EIF3F: variants seen among roughly 807,000 people sequenced by gnomAD.
EIF3F encodes the protein deubiquitinating enzyme eIF3f.
Under a neutral mutation model 36.0 loss-of-function variants are expected in EIF3F, and 8 were observed. The ratio of observed to expected loss-of-function variants is 0.22; its 90% confidence interval spans 0.13 to 0.40. EIF3F has a LOEUF of 0.40. Ranked by LOEUF, EIF3F falls within the 10% of genes least tolerant of loss-of-function variation. The pLI, the probability that EIF3F is intolerant of heterozygous loss-of-function variation, is 1.00. For synonymous variants in EIF3F, 184 were observed against 188.5 expected (o/e 0.98, Z 0.19); for missense variants, 430 against 467.6 (o/e 0.92, Z 0.74).
At position 7,996,746 on chromosome 11, in the gene EIF3F, C is replaced by A. The variant is rs935795007; in HGVS notation, c.*724C>A. 4 of 152,140 alleles carry A rather than the reference C, an allele frequency of 2.6e-5. No homozygotes were observed. The highest frequency in any genetic ancestry group is 9.7e-5 in the African/African-American group (4 of 41,428). 9.4% of individuals were successfully genotyped at this position (152,140 alleles called of 1,614,324 possible). ...TTTCCTCTGGTATCCTGGAGTTCCGCCTCGCCACTGTGTGTCTTAGAAATA... is the reference window on the plus strand; with the variant it reads ...TTTCCTCTGGTATCCTGGAGTTCCGACTCGCCACTGTGTGTCTTAGAAATA... On this transcript the variant is annotated 3_prime_UTR_variant, in exon 8 of 8. Transcript: ENST00000651655.
At chr11:7,994,868 T>C in intron 5 of EIF3F, 114 bp from the exon 6 acceptor site, 2 of 1,460,542 alleles carry the variant, frequency 1.4e-6, no homozygotes, top group South Asian at 1.3e-5. Context: ...CTAAGGGGAG[T>C]TGGGAAACAG....
intron 1 of EIF3F, among the ~76,000 whole-genome samples, chr11:7,991,571 T>C (rs1476735562): frequency 6.6e-6 from 1 of 152,124 alleles, no homozygotes; most frequent in Admixed American, 6.6e-5. Context: ...TATTTGGTGA[T>C]GATTAGAGGG....
At chr11:7,995,563 C>T (rs1942151154) in intron 7 of EIF3F, 196 bp downstream of exon 7, 1 of 610,222 alleles carries the variant, frequency 1.6e-6, no homozygotes, top group Non-Finnish European at 2.9e-6. Flanking sequence ...TTCCTTCTCC[C>T]ATGATTCCAT....
chr11:7,998,921 C>G lies in EIF3F; in HGVS notation c.*2899C>G, dbSNP rs1435850444. On this transcript the variant is annotated 3_prime_UTR_variant, in exon 8 of 8. Transcript: ENST00000651655. ...TGTGGTGTTATTACTTAGCGTTATT[C>G]TAGACTTATTAGCCATTGTATTTAA... 6.6e-6 allele frequency: 1 copy of G among 151,986 alleles called. No homozygotes were observed. Among genetic ancestry groups the G allele is most frequent in the Non-Finnish European group, 1.5e-5 (1 of 68,024 alleles). 9.4% of individuals were successfully genotyped at this position (151,986 alleles called of 1,614,324 possible). A position where few individuals can be genotyped will look rare whatever the true frequency, so the allele number is the denominator to read the frequency against.
rs1024993056 is a variant in EIF3F at position 7,994,786 on chromosome 11, G to A, written c.746-196G>A. ...CCGGTGATGAGCATACCAGGTAAAA[G>A]GAGTTGAGCTCTATTAGGAGGAAGA... On this transcript the variant is annotated intron_variant, in intron 5 of 7. Transcript: ENST00000651655. 5 of 795,544 alleles carry A rather than the reference G, an allele frequency of 6.3e-6. No homozygotes were observed. In the African/African-American group the frequency reaches 8.7e-5, roughly 14 times the overall value. The allele number at this position is 795,544 out of a possible 1,614,324, so 49.3% of individuals were successfully genotyped here.
In EIF3F at chr11:7,994,520, G is replaced by C; in HGVS notation, c.745+3G>C. On this transcript the variant is annotated splice_donor_region_variant and intron_variant, in intron 5 of 7. Coordinates refer to ENST00000651655, the MANE Select transcript of EIF3F (RefSeq NM_003754.3). ...CTACGACACTGAACGCATCGGAGGT[G>C]AGTAACCTTTCCATACACTCGCGAG... 6.2e-7 allele frequency: 1 copy of C among 1,612,556 alleles called. No individual in the cohort carries two copies. Among genetic ancestry groups the C allele is most frequent in the Non-Finnish European group, 8.5e-7 (1 of 1,179,264 alleles).
chr11:7,994,677 G>T, intron 5 of EIF3F, 160 bp downstream of exon 5: 1 of 727,858 alleles, frequency 1.4e-6, no homozygotes, highest in Non-Finnish European at 2.2e-6. Flanking sequence ...TGTATAAATG[G>T]GATTTAAGGA....
Position 7,992,950 on chromosome 11 carries a change from G to A in EIF3F, c.579G>A (p.Glu193=), listed in dbSNP as rs775886835. 10 of 1,613,802 alleles carry A rather than the reference G, an allele frequency of 6.2e-6. No homozygotes were observed. The South Asian group carries it at 9.9e-5, about 16-fold the overall frequency. Residue 193 remains glutamate (E), a synonymous_variant, in exon 4 of 8, where the codon GAG becomes GAA. Transcript: ENST00000651655. ...SVLIHEYYSR[E]APNPIHLTVD... ...TGATCCACGAGTACTACAGCCGAGA[G>A]GCCCCCAACCCCATCCACCTCACTG...
In EIF3F at chr11:7,994,412, T is replaced by A; in HGVS notation, c.654-14T>A. The A allele has an allele frequency of 6.2e-7, 1 of 1,612,862 alleles. No homozygotes were observed. Among genetic ancestry groups the A allele is most frequent in the Non-Finnish European group, 8.5e-7 (1 of 1,179,464 alleles). On this transcript the variant is annotated splice_polypyrimidine_tract_variant and intron_variant, in intron 4 of 7. Coordinates refer to ENST00000651655, the MANE Select transcript of EIF3F (RefSeq NM_003754.3). ...CCCAAGGCCATCTGTTTACTTTGGCTTCTCCTTCCGCAGCACTTTAATGGG... is the reference window on the plus strand; with the variant it reads ...CCCAAGGCCATCTGTTTACTTTGGCATCTCCTTCCGCAGCACTTTAATGGG...
chr11:7,992,775 T>C (rs999072347), intron 3 of EIF3F, 112 bp from the exon 4 acceptor site: 38 of 1,395,116 alleles, frequency 2.7e-5, no homozygotes, highest in Middle Eastern at 2.5e-4. Flanking sequence ...TTGGTGTCAC[T>C]AGGTGTCCTA....
In EIF3F at chr11:8,000,054, A is replaced by G. The variant is rs1942203070; in HGVS notation, c.*4032A>G. ...CCCCGTCTCTACAAAAGATACAAAA[A>G]TTAGCCAGGCATCTTGGAGGGCGCC... is the stretch of plus-strand genomic sequence containing the variant. On this transcript the variant is annotated 3_prime_UTR_variant, in exon 8 of 8. Transcript: ENST00000651655. 1 of 152,090 alleles carries G rather than the reference A, an allele frequency of 6.6e-6. No individual in the cohort carries two copies. Among genetic ancestry groups the G allele is most frequent in the Non-Finnish European group, 1.5e-5 (1 of 68,018 alleles). The allele number at this position is 152,090 out of a possible 1,614,324, so 9.4% of individuals were successfully genotyped here. A position where few individuals can be genotyped will look rare whatever the true frequency, so the allele number is the denominator to read the frequency against.
chr11:7,992,262 G>C (rs928757982), intron 3 of EIF3F, 99 bp downstream of exon 3: 1 of 1,069,820 alleles, frequency 9.3e-7, no homozygotes, highest in Non-Finnish European at 1.4e-6. Flanking sequence ...TCCTTTTGGA[G>C]GCAAGAGTAT....
At chr11:7,989,701 T>C (rs1942070737) in intron 1 of EIF3F, among the ~76,000 whole-genome samples, 1 of 152,168 alleles carries the variant, frequency 6.6e-6, no homozygotes, top group African/African-American at 2.4e-5. Flanking sequence ...CATGGTGGCA[T>C]GGAAATGCAG....
chr11:7,987,387 C>T lies in EIF3F; in HGVS notation c.35C>T (p.Pro12Leu), dbSNP rs61734576. 79,634 of 1,598,832 alleles carry T rather than the reference C, an allele frequency of 0.05. 3,079 individuals are homozygous for T. The highest frequency in any genetic ancestry group is 0.18 in the Admixed American group (10,906 of 59,884). Reference sequence around the variant, plus strand: ...CCGGCGGTACCAGTAAGTGCTCCTCCGGCCACGCCAACCCCAGTCCCGGCG... The same window carrying T: ...CCGGCGGTACCAGTAAGTGCTCCTCTGGCCACGCCAACCCCAGTCCCGGCG... ...ATPAVPVSAP[P>L]ATPTPVPAAA... Residue 12 changes from proline to leucine, a missense_variant, in exon 1 of 8, where the codon CCG (proline) becomes CTG (leucine). This residue lies in a region of EIF3F where 168 missense variants were observed against 120.2 expected (regional missense o/e 1.40). Coordinates refer to ENST00000651655, the MANE Select transcript of EIF3F (RefSeq NM_003754.3).
chr11:7,987,850 A>T (rs1246882238), intron 1 of EIF3F, 134 bp downstream of exon 1: 1 of 1,268,366 alleles, frequency 7.9e-7, no homozygotes, highest in African/African-American at 1.6e-5. Flanking sequence ...CTCTTAATCT[A>T]TATCTGCATC....
chr11:7,993,068 A>G (rs767611647), intron 4 of EIF3F, 44 bp downstream of exon 4: 8 of 1,510,642 alleles, frequency 5.3e-6, no homozygotes, highest in Non-Finnish European at 6.2e-6. Context: ...CCATGCCCAG[A>G]TGCCATCCCT....
intron 4 of EIF3F, among the ~76,000 whole-genome samples, chr11:7,993,249 T>C (rs1459208364): frequency 6.6e-6 from 1 of 152,220 alleles, no homozygotes. Flanking sequence ...CATTGCCCTT[T>C]TAAGTATTTG....
In EIF3F at chr11:7,987,423, C is replaced by T. The variant is rs1339164749; in HGVS notation, c.71C>T (p.Ala24Val). Residue 24 changes from alanine (A) to valine (V), a missense_variant, in exon 1 of 8, where the codon GCC (alanine) becomes GTC (valine). Transcript: ENST00000651655. ...TPTPVPAAAP[A>V]SVPAPTPAPA... ...ACCCCAGTCCCGGCGGCGGCCCCAGCCTCAGTTCCAGCGCCAACGCCAGCA... is the reference window on the plus strand; with the variant it reads ...ACCCCAGTCCCGGCGGCGGCCCCAGTCTCAGTTCCAGCGCCAACGCCAGCA... 2.5e-6 allele frequency: 4 copies of T among 1,602,124 alleles called. No individual in the cohort carries two copies. Among genetic ancestry groups the T allele is most frequent in the African/African-American group, 2.7e-5 (2 of 74,984 alleles).
At chr11:7,991,512 A>G (rs1323457258) in intron 1 of EIF3F, among the ~76,000 whole-genome samples, 1 of 152,202 alleles carries the variant, frequency 6.6e-6, no homozygotes, top group East Asian at 1.9e-4. Flanking sequence ...ATAGGCTAGT[A>G]GTGGAGAGTA....
Sources: gnomAD v4.1 joint callset for allele counts (sites outside exome capture counted in the v4.1 genomes callset) on GRCh38, gnomAD v4.1.1 for gene constraint, gnomAD v4.1.1 regional missense constraint, MANE v1.5 for transcripts, NCBI Gene and HGNC (gene_info 2026-07-23, HGNC 2026-07-21) for gene names.